The following PLCL2 variants were observed in gnomAD, a reference collection of about 807,000 sequenced individuals.
The protein encoded by PLCL2 is inactive phospholipase C-like protein 2.
PLCL2 carries 4 observed loss-of-function variants against 79.6 expected under a neutral mutation model. The observed-to-expected ratio is 0.05, with a 90% CI of 0.02 to 0.11. The LOEUF (loss-of-function observed/expected upper bound fraction) is 0.11, where lower values mean the gene tolerates loss of function less well. PLCL2 is among the 10% of genes least tolerant of loss of function. PLCL2 has a pLI of 1.00. For synonymous variants in PLCL2, 484 were observed against 457.7 expected, an observed-to-expected ratio of 1.06 and a Z score of -0.73; for missense variants, 895 against 1,291.0, an observed-to-expected ratio of 0.69 and a Z score of 4.70.
chr3:17,008,630 T>C (rs963908326), intron 1 of PLCL2, among the ~76,000 whole-genome samples: 1 of 152,006 alleles, frequency 6.6e-6, no homozygotes, highest in Non-Finnish European at 1.5e-5. Context: ...TTGAGAAGTA[T>C]TGGTGTAGGA....
chr3:17,033,347 A>C (rs748082537), intron 3 of PLCL2, among the ~76,000 whole-genome samples: 1 of 152,210 alleles, frequency 6.6e-6, no homozygotes, highest in Non-Finnish European at 1.5e-5. Flanking sequence ...TATGACGCCA[A>C]AACCATGCTT....
intron 1 of PLCL2, among the ~76,000 whole-genome samples, chr3:16,889,290 C>T (rs188874651): frequency 7.9e-5 from 12 of 152,262 alleles, no homozygotes; most frequent in Admixed American, 2.6e-4. Context: ...TATGGCTGCA[C>T]TCCATTGCTT....
At chr3:16,979,359 T>TC (rs2063957414) in intron 1 of PLCL2, among the ~76,000 whole-genome samples, 3 of 17,634 alleles carry the variant, frequency 1.7e-4, no homozygotes, top group African/African-American at 7.1e-4. Flanking sequence ...TTTTTTTTTT[T>TC]AATCATTCTT....
At chr3:17,014,631 G>C in intron 2 of PLCL2, 77 bp from the exon 3 acceptor site, 1 of 1,120,502 alleles carries the variant, frequency 8.9e-7, no homozygotes, top group Non-Finnish European at 1.4e-6. Context: ...AGCATAATCA[G>C]ATATATCAAA....
At chr3:17,005,277 T>C (rs1236178242) in intron 1 of PLCL2, among the ~76,000 whole-genome samples, 19 of 152,186 alleles carry the variant, frequency 1.2e-4, no homozygotes, top group Admixed American at 1.2e-3. Context: ...CAACTTGGTT[T>C]CTTGTTCCTC....
At chr3:17,053,481 G>A (rs547413599) in intron 4 of PLCL2, among the ~76,000 whole-genome samples, 2 of 152,250 alleles carry the variant, frequency 1.3e-5, no homozygotes, top group South Asian at 4.2e-4. Flanking sequence ...TGGAGACACA[G>A]ATTCAAACCA....
chr3:16,947,813 T>G (rs568597748), intron 1 of PLCL2, among the ~76,000 whole-genome samples: 1 of 152,332 alleles, frequency 6.6e-6, no homozygotes, highest in South Asian at 2.1e-4. Context: ...AGAGTATTTC[T>G]CCGGTTACAA....
intron 1 of PLCL2, among the ~76,000 whole-genome samples, chr3:16,936,053 A>G (rs1697530858): frequency 6.6e-6 from 1 of 152,218 alleles, no homozygotes; most frequent in South Asian, 2.1e-4. Context: ...ATCCAAAGAC[A>G]ACCCATTCTC....
chr3:16,923,670 G>A (rs963731831), intron 1 of PLCL2, among the ~76,000 whole-genome samples: 1 of 152,042 alleles, frequency 6.6e-6, no homozygotes, highest in African/African-American at 2.4e-5. Context: ...CATCAGATTT[G>A]GGGAGTTTTC....
intron 1 of PLCL2, among the ~76,000 whole-genome samples, chr3:16,913,915 A>G (rs1364001439): frequency 6.6e-6 from 1 of 152,254 alleles, no homozygotes; most frequent in African/African-American, 2.4e-5. Context: ...CAGGGACTGT[A>G]GCATTAATGT....
intron 1 of PLCL2, among the ~76,000 whole-genome samples, chr3:16,972,208 G>C (rs986744413): frequency 6.6e-6 from 1 of 152,082 alleles, no homozygotes; most frequent in East Asian, 1.9e-4. Context: ...GGAAATAAAG[G>C]GTATTCAGTT....
chr3:17,060,745 A>G (rs899552988), intron 4 of PLCL2, among the ~76,000 whole-genome samples: 9 of 152,206 alleles, frequency 5.9e-5, no homozygotes, highest in African/African-American at 2.2e-4. Flanking sequence ...TACTGTTGAT[A>G]TAGCTACCTC....
chr3:17,063,220 T>TCCTCCCTCCCTCCCTCCCTCCCTG (rs1386470009), intron 4 of PLCL2, among the ~76,000 whole-genome samples: 2 of 55,052 alleles, frequency 3.6e-5, no homozygotes, highest in Admixed American at 2.0e-4. Flanking sequence ...CTCTTTCTCT[T>TCCTCCCTCCCTCCCTCCCTCCCTG]CCTTCCTCCC....
chr3:16,930,362 C>G (rs956867632), intron 1 of PLCL2, among the ~76,000 whole-genome samples: 4 of 152,112 alleles, frequency 2.6e-5, no homozygotes, highest in Non-Finnish European at 5.9e-5. Flanking sequence ...ATGGCCCTCC[C>G]TCAAATACTG....
rs377741895 is a variant in PLCL2 at position 17,035,193 on chromosome 3, C to G, written c.3019-7681C>G. The stretch of plus-strand genomic sequence containing the variant: ...GTTGTACTCGAGGTTCTTAGACTTC[C>G]CTATTGTAACCACCAGTTCAATTCA... On this transcript the variant is annotated intron_variant, in intron 3 of 5. Coordinates refer to ENST00000615277, the MANE Select transcript of PLCL2 (RefSeq NM_001144382.2). 5.3e-5 allele frequency among the ~76,000 whole-genome samples: 8 copies of G among 152,270 alleles called. No individual in the cohort carries two copies. The East Asian group carries it at 1.2e-3, about 22-fold the overall frequency.
In PLCL2 at chr3:16,916,210, A is replaced by T. The variant is rs948679381; in HGVS notation, c.327+30844A>T. 2.6e-4 allele frequency among the ~76,000 whole-genome samples: 39 copies of T among 152,194 alleles called. 1 individual carries two copies. The highest frequency in any genetic ancestry group is 2.2e-3 in the Admixed American group (34 of 15,268). ...GTTTGGGGAAGAATGTGGAATGTGA[A>T]ATATAAGACTATTCAGCCCCTTAAA... On this transcript the variant is annotated intron_variant, in intron 1 of 5. Coordinates refer to ENST00000615277, the MANE Select transcript of PLCL2 (RefSeq NM_001144382.2).
chr3:17,000,200 A>G (rs568319307), intron 1 of PLCL2, among the ~76,000 whole-genome samples: 10 of 152,276 alleles, frequency 6.6e-5, no homozygotes, highest in Non-Finnish European at 8.8e-5. Context: ...AACTTTTCCC[A>G]TAAAACTGTC....
Position 17,010,583 on chromosome 3 carries a change from G to C in PLCL2, c.1237G>C (p.Asp413His), listed in dbSNP as rs747668436. The C allele has an allele frequency of 1.2e-6, 2 of 1,614,122 alleles. No homozygotes were observed. The highest frequency in any genetic ancestry group is 8.5e-7 in the Non-Finnish European group (1 of 1,180,012). Reference protein sequence around the residue: ...DGFTNYLMSPDCYIFDPEHKK... With the variant: ...DGFTNYLMSPHCYIFDPEHKK... Reference sequence around the variant, plus strand: ...GTTCACTAATTACCTTATGTCACCTGACTGTTATATATTCGATCCAGAACA... The same window carrying C: ...GTTCACTAATTACCTTATGTCACCTCACTGTTATATATTCGATCCAGAACA... The change falls in exon 2 of 6, where the codon GAC (aspartate) becomes CAC (histidine). Residue 413 changes from aspartate to histidine, a missense_variant. Asp to His is a moderately conservative substitution (Grantham distance 81). Around this residue, in one of 6 missense-constraint regions of PLCL2, gnomAD observed 242 missense variants for 399.5 expected, o/e 0.61. Transcript: ENST00000615277. The surrounding 1 kb of genome is among the most constrained non-coding windows in gnomAD (Gnocchi z 5.8).
intron 4 of PLCL2, among the ~76,000 whole-genome samples, chr3:17,066,483 C>T (rs1256097052): frequency 2.0e-5 from 3 of 152,146 alleles, no homozygotes; most frequent in East Asian, 1.9e-4. Context: ...AGAGTTGCTT[C>T]GAAATGGTGT....
Sources: allele counts gnomAD v4.1 joint callset (sites outside exome capture counted in the v4.1 genomes callset), GRCh38; gene constraint gnomAD v4.1.1; regional missense constraint gnomAD v4.1.1; non-coding constraint Gnocchi (gnomAD v3.1); transcripts MANE v1.5; gene names NCBI Gene and HGNC (gene_info 2026-07-23, HGNC 2026-07-21).